RANGAP1: variants seen among roughly 807,000 people sequenced by gnomAD.
RANGAP1 encodes ran GTPase-activating protein 1.
A neutral mutation model predicts 63.5 loss-of-function variants in RANGAP1; 38 were observed. The ratio of observed to expected loss-of-function variants is 0.60; its 90% confidence interval spans 0.46 to 0.78. The LOEUF (loss-of-function observed/expected upper bound fraction) is 0.78, where lower values mean the gene tolerates loss of function less well. Ranked by LOEUF, RANGAP1 falls within the 30% of genes least tolerant of loss-of-function variation. RANGAP1 has a pLI of 0.00. For missense variants in RANGAP1, 630 were observed against 740.3 expected (o/e 0.85, Z 1.73); for synonymous variants, 329 against 310.5 (o/e 1.06, Z -0.63).
intron 2 of RANGAP1, among the ~76,000 whole-genome samples, chr22:41,279,438 C>T (rs892874956): frequency 2.0e-5 from 3 of 151,812 alleles, no homozygotes; most frequent in African/African-American, 7.3e-5. Context: ...CCACTGCACT[C>T]CAGCCTGGGT....
chr22:41,268,141 C>G lies in RANGAP1; in HGVS notation c.256G>C (p.Asp86His). The G allele has an allele frequency of 6.4e-7, 1 of 1,556,206 alleles. No homozygotes were observed. Among genetic ancestry groups the G allele is most frequent in the Non-Finnish European group, 8.7e-7 (1 of 1,148,884 alleles). The change falls in exon 4 of 16, where the codon GAC becomes CAC. Residue 86 changes from aspartate to histidine, a missense_variant. Asp to His is a moderately conservative substitution (Grantham distance 81). Transcript: ENST00000356244. ...GTCCGCAGCCTTCCCGTGAACATGT[C>G]ACTCCAGTGGCAGCGCTGCAACGGA... ...KSELKRCHWS[D>H]MFTGRLRTEI...
upstream of RANGAP1, among the ~76,000 whole-genome samples, chr22:41,289,074 C>T (rs1473353488): frequency 6.6e-6 from 1 of 151,768 alleles, no homozygotes; most frequent in Non-Finnish European, 1.5e-5. Context: ...AGGTGCACGC[C>T]ACCACGCCCG....
chr22:41,271,816 G>A (rs906120306), intron 3 of RANGAP1, among the ~76,000 whole-genome samples: 36 of 151,214 alleles, frequency 2.4e-4, no homozygotes, highest in Non-Finnish European at 2.9e-5. Context: ...GCACACTGCT[G>A]CAGCAGCAGA....
rs138479765 is a variant in RANGAP1, at chr22:41,272,110, G to T, written c.240+2490C>A. On this transcript the variant is annotated intron_variant, in intron 3 of 15. Transcript: ENST00000356244. ...CTGCACGCAGGGCAAGGCCACGTAC[G>T]GCAAACAAGGTGGTGCTGTTAGGGC... Among the ~76,000 whole-genome samples the T allele has an allele frequency of 2.0e-5, 3 of 152,340 alleles. No homozygotes were observed. The East Asian group carries it at 5.8e-4, about 29-fold the overall frequency.
Position 41,246,636 on chromosome 22 carries a change from G to A in RANGAP1, c.1731C>T (p.Arg577=). The part of the protein sequence containing the change: ...NSALESCSFA[R]HSLLQTLYKV ...TGTACAGCGTCTGCAGCAGACTGTG[G>A]CGGGCGAAGGAGCAGGATTCCAGGG... The change falls in exon 16 of 16, where the codon CGC becomes CGT. Residue 577 remains arginine, a synonymous_variant. Transcript: ENST00000356244. 1.3e-6 allele frequency: 2 copies of A among 1,564,538 alleles called. No homozygotes were observed. The highest frequency in any genetic ancestry group is 1.7e-6 in the Non-Finnish European group (2 of 1,153,616).
chr22:41,293,274 C>G, the RANGAP1 span, among the ~76,000 whole-genome samples: 1 of 151,206 alleles, frequency 6.6e-6, no homozygotes, highest in African/African-American at 2.4e-5. Flanking sequence ...TTAACCAGCA[C>G]GGTGATGCAC....
intron 14 of RANGAP1, 115 bp downstream of exon 14, chr22:41,249,614 G>A (rs1457239894): frequency 1.9e-5 from 29 of 1,525,394 alleles, no homozygotes; most frequent in East Asian, 1.1e-4. Flanking sequence ...TCGGGGCCCC[G>A]TGGGCGAGCC....
At chr22:41,279,682 G>A (rs1002687654) in intron 2 of RANGAP1, among the ~76,000 whole-genome samples, 1 of 151,534 alleles carries the variant, frequency 6.6e-6, no homozygotes, top group African/African-American at 2.4e-5. Context: ...TGAGCCTGCA[G>A]TCCCAGCTAT....
At chr22:41,288,859 A>C (rs1403028675), upstream of RANGAP1, among the ~76,000 whole-genome samples, 1 of 151,362 alleles carries the variant, frequency 6.6e-6, no homozygotes, top group Non-Finnish European at 1.5e-5. Context: ...GAAGCTAAAA[A>C]TCACAAACTC....
Position 41,245,132 on chromosome 22 carries a change from G to A in RANGAP1, c.*1471C>T, listed in dbSNP as rs1442751472. Among the ~76,000 whole-genome samples the A allele has an allele frequency of 6.6e-6, 1 of 152,242 alleles. No individual in the cohort carries two copies. The highest frequency in any genetic ancestry group is 2.4e-5 in the African/African-American group (1 of 41,462). The stretch of plus-strand genomic sequence containing the variant: ...CAACTCACACAGAAGACAGGGGACA[G>A]GGCCAGCAGTATCCTCTGCCACCTG... On this transcript the variant is annotated 3_prime_UTR_variant, in exon 16 of 16. Coordinates refer to ENST00000356244, the MANE Select transcript of RANGAP1 (RefSeq NM_002883.4).
rs761890441 is a variant in RANGAP1, at chr22:41,256,755, C to T, written c.844G>A (p.Val282Ile). ...CCGCGGATGGCATCTGCAATGGCAA[C>T]TGCACCCTTGGAGCGCACCAGGCAG... ...GDCLVRSKGA[V>I]AIADAIRGGL... is the part of the protein sequence containing the mutation. Residue 282 changes from valine to isoleucine, a missense_variant, in exon 8 of 16, where the codon GTT becomes ATT. By Grantham distance (29) the Val-to-Ile change is conservative (BLOSUM62 3). Transcript: ENST00000356244. 2.5e-6 allele frequency: 4 copies of T among 1,614,152 alleles called. No individual in the cohort carries two copies. The highest frequency in any genetic ancestry group is 3.4e-6 in the Non-Finnish European group (4 of 1,180,040).
rs192033004 is a variant in RANGAP1 at position 41,267,770 on chromosome 22, A to G, written c.300+327T>C. Among the ~76,000 whole-genome samples, 252 of 152,312 alleles carry G rather than the reference A, an allele frequency of 1.7e-3. 3 individuals are homozygous for G. Among genetic ancestry groups the G allele is most frequent in the South Asian group, 2.9e-3 (14 of 4,832 alleles). On this transcript the variant is annotated intron_variant, in intron 4 of 15. Coordinates refer to ENST00000356244, the MANE Select transcript of RANGAP1 (RefSeq NM_002883.4). ...CTGCGAGGTGCAGGAAGGGGTTGCC[A>G]GGAAAGGCGGGGCAATCATATTGGG...
At chr22:41,277,093 T>C (rs1456786099) in intron 2 of RANGAP1, among the ~76,000 whole-genome samples, 3 of 137,728 alleles carry the variant, frequency 2.2e-5, no homozygotes, top group African/African-American at 8.1e-5. Flanking sequence ...TTTTTTTTTT[T>C]TTGAGACGGA....
chr22:41,271,050 A>T (rs2145795220), intron 3 of RANGAP1, among the ~76,000 whole-genome samples: 1 of 152,162 alleles, frequency 6.6e-6, no homozygotes, highest in Middle Eastern at 3.4e-3. Flanking sequence ...CTCTGAAATG[A>T]GGTTTTAGGT....
intron 6 of RANGAP1, among the ~76,000 whole-genome samples, chr22:41,258,490 C>G (rs981429650): frequency 1.3e-5 from 2 of 152,142 alleles, no homozygotes; most frequent in Non-Finnish European, 2.9e-5. Flanking sequence ...TGTGACCTTT[C>G]TTTCTTAGGG....
chr22:41,296,831 G>A, the RANGAP1 span, among the ~76,000 whole-genome samples: 5 of 152,150 alleles, frequency 3.3e-5, no homozygotes, highest in African/African-American at 1.2e-4. Flanking sequence ...TAAGTATGAA[G>A]ACTGAGAAGT....
intron 6 of RANGAP1, among the ~76,000 whole-genome samples, chr22:41,258,346 G>A (rs1273146100): frequency 1.3e-5 from 2 of 152,260 alleles, no homozygotes; most frequent in Admixed American, 1.3e-4. Context: ...GAGGCGAAGT[G>A]ACTTGCCCAG....
Position 41,256,947 on chromosome 22 carries a change from G to C in RANGAP1, c.775-123C>G, listed in dbSNP as rs2033878243. 8.6e-6 allele frequency: 6 copies of C among 695,956 alleles called. No homozygotes were observed. The Admixed American group carries it at 1.5e-4, about 18-fold the overall frequency. 43.1% of individuals were successfully genotyped at this position (695,956 alleles called of 1,614,324 possible). A position where few individuals can be genotyped will look rare whatever the true frequency, so the allele number is the denominator to read the frequency against. The stretch of plus-strand genomic sequence containing the variant: ...CACCACACACTGTCCTCCTCTGCAA[G>C]TCACCAGCTTTGCCGTCTTCTACTT... On this transcript the variant is annotated intron_variant, in intron 7 of 15. Coordinates refer to ENST00000356244, the MANE Select transcript of RANGAP1 (RefSeq NM_002883.4).
At chr22:41,251,443 T>C (rs147946555) in intron 12 of RANGAP1, among the ~76,000 whole-genome samples, 217 of 151,992 alleles carry the variant, frequency 1.4e-3, no homozygotes, top group Middle Eastern at 6.8e-3. Context: ...CTAGGCAACA[T>C]AGCAAGACCC....
Sources: gnomAD v4.1 joint callset for allele counts (sites outside exome capture counted in the v4.1 genomes callset) on GRCh38, gnomAD v4.1.1 for gene constraint, MANE v1.5 for transcripts, NCBI Gene and HGNC (gene_info 2026-07-23, HGNC 2026-07-21) for gene names.